The following STK3 variants were observed in gnomAD, a reference collection of about 807,000 sequenced individuals.
STK3 encodes the protein serine/threonine kinase 3, also known as serine/threonine-protein kinase 3.
Under a neutral mutation model 58.0 loss-of-function variants are expected in STK3, and 41 were observed. The ratio of observed to expected loss-of-function variants is 0.71; its 90% CI spans 0.55 to 0.92. The LOEUF (loss-of-function observed/expected upper bound fraction) is 0.92, where lower values mean the gene tolerates loss of function less well. Ranked by LOEUF, STK3 falls within the 40% of genes least tolerant of loss-of-function variation. The probability of loss-of-function intolerance (pLI) is 0.00; values close to 1 mark genes in which losing one functional copy is unlikely to be tolerated. For missense variants in STK3, 479 were observed against 602.7 expected (o/e 0.79, Z 2.15); for synonymous variants, 170 against 191.0 (o/e 0.89, Z 0.91).
intron 3 of STK3, chr8:98,413,862 T>C (rs370861997): frequency 7.8e-6 from 4 of 514,908 alleles, no homozygotes; most frequent in African/African-American, 5.9e-5. Context: ...TAATGGTGTG[T>C]CAAGAGGGAG....
At chr8:98,683,166 C>A (rs899992310) in intron 6 of STK3, among the ~76,000 whole-genome samples, 1 of 150,640 alleles carries the variant, frequency 6.6e-6, no homozygotes, top group African/African-American at 2.4e-5. Flanking sequence ...AACTAAAGTG[C>A]CAAAAAATAA....
intron 6 of STK3, among the ~76,000 whole-genome samples, chr8:98,661,722 C>T (rs1821978644): frequency 6.6e-6 from 1 of 152,126 alleles, no homozygotes; most frequent in Non-Finnish European, 1.5e-5. Context: ...AAATAATCTA[C>T]ACCCACATTC....
At chr8:98,347,751 A>T in the STK3 span, among the ~76,000 whole-genome samples, 1 of 152,232 alleles carries the variant, frequency 6.6e-6, no homozygotes, top group African/African-American at 2.4e-5. Flanking sequence ...GCCTATAGGA[A>T]ACATACATTA....
intron 10 of STK3, among the ~76,000 whole-genome samples, chr8:98,498,803 T>C (rs556135593): frequency 6.6e-6 from 1 of 152,320 alleles, no homozygotes; most frequent in South Asian, 2.1e-4. Context: ...TCCCCTTTGC[T>C]GATTCCTCGT....
At chr8:98,784,018 C>T (rs1469912593) in intron 1 of STK3, among the ~76,000 whole-genome samples, 1 of 152,164 alleles carries the variant, frequency 6.6e-6, no homozygotes, top group Admixed American at 6.5e-5. Flanking sequence ...GAAAGCCTCC[C>T]TCTGTGACTC....
intron 9 of STK3, among the ~76,000 whole-genome samples, chr8:98,532,016 A>T (rs1240934154): frequency 6.6e-6 from 1 of 152,220 alleles, no homozygotes; most frequent in East Asian, 1.9e-4. Context: ...TCCATATCAG[A>T]AAGAGAAAGG....
chr8:98,448,750 T>C lies in STK3; in HGVS notation n.186-11542A>G, dbSNP rs1039228689. On this transcript the variant is annotated intron_variant and non_coding_transcript_variant, in intron 1 of 3. Transcript: ENST00000517832. ...CTTAGTGCTCTCTCATAAAATGACA[T>C]AGACTCACTTTTCTGTTGAGGAAAC... Among the ~76,000 whole-genome samples, 11 of 152,326 alleles carry C rather than the reference T, an allele frequency of 7.2e-5. No homozygotes were observed. The East Asian group carries it at 1.7e-3, about 24-fold the overall frequency.
intron 6 of STK3, among the ~76,000 whole-genome samples, chr8:98,618,095 C>T (rs1201572564): frequency 1.3e-5 from 2 of 151,632 alleles, no homozygotes; most frequent in Non-Finnish European, 2.9e-5. Context: ...TCCAGCAGCA[C>T]ATCAAAAAGC....
At chr8:98,528,647 C>T (rs754882109) in intron 9 of STK3, among the ~76,000 whole-genome samples, 12 of 152,028 alleles carry the variant, frequency 7.9e-5, no homozygotes, top group African/African-American at 2.2e-4. Flanking sequence ...CCACCATGCC[C>T]GGCTAATTTT....
intron 6 of STK3, among the ~76,000 whole-genome samples, chr8:98,613,041 C>T (rs1051136797): frequency 6.6e-6 from 1 of 152,132 alleles, no homozygotes; most frequent in African/African-American, 2.4e-5. Context: ...TTTCACTAAC[C>T]AGTGGAAATT....
At chr8:98,347,658 A>T in the STK3 span, among the ~76,000 whole-genome samples, 6 of 152,226 alleles carry the variant, frequency 3.9e-5, no homozygotes. Context: ...TCAACAATAC[A>T]TTAAATATAA....
chr8:98,857,110 A>C (rs1836713323), intron 3 of STK3, among the ~76,000 whole-genome samples: 1 of 152,220 alleles, frequency 6.6e-6, no homozygotes, highest in South Asian at 2.1e-4. Flanking sequence ...TTTCTTCTCG[A>C]GATGATGAAC....
intron 1 of STK3, among the ~76,000 whole-genome samples, chr8:98,795,809 TACA>T (rs1360170890): frequency 1.6e-5 from 2 of 126,956 alleles, no homozygotes; most frequent in African/African-American, 6.7e-5. Context: ...TACAATACAA[TACA>T]ATACAATACA....
At chr8:98,482,584 T>C (rs1821935141) in intron 10 of STK3, among the ~76,000 whole-genome samples, 1 of 152,092 alleles carries the variant, frequency 6.6e-6, no homozygotes, top group Non-Finnish European at 1.5e-5. Context: ...AGTGATTTGA[T>C]TCAATGACCA....
At chr8:98,812,347 C>G (rs1434155340) in intron 1 of STK3, among the ~76,000 whole-genome samples, 3 of 152,198 alleles carry the variant, frequency 2.0e-5, no homozygotes. Context: ...GATACCATCT[C>G]ACACCAGTTT....
At chr8:98,828,025 A>T (rs1835377338), upstream of STK3, among the ~76,000 whole-genome samples, 1 of 149,368 alleles carries the variant, frequency 6.7e-6, no homozygotes, top group Admixed American at 6.7e-5. Context: ...CCCAGGCTTG[A>T]GTGCAATGCC....
chr8:98,729,069 C>T (rs1011606935), intron 4 of STK3, among the ~76,000 whole-genome samples: 7 of 151,996 alleles, frequency 4.6e-5, no homozygotes, highest in African/African-American at 1.7e-4. Flanking sequence ...TTTGAATAGC[C>T]ACTGCTTGAC....
In STK3 at chr8:98,800,151, C is replaced by A. The variant is rs1261456600; in HGVS notation, c.27-25332G>T. The stretch of plus-strand genomic sequence containing the variant: ...TCGCCTTTGGACCCTATATTTTTAA[C>A]CTCCTTGTTTTGTTTCCTCTAGAAT... On this transcript the variant is annotated intron_variant, in intron 1 of 10. Transcript: ENST00000419617. This position sits in a 1 kb window ranked among gnomAD's most constrained non-coding sequence, Gnocchi z 4.8. Among the ~76,000 whole-genome samples the A allele has an allele frequency of 5.3e-5, 8 of 152,318 alleles. No individual in the cohort carries two copies. Among genetic ancestry groups the A allele is most frequent in the South Asian group, 2.1e-4 (1 of 4,826 alleles).
At chr8:98,754,514 CTCTT>C (rs1296201669) in intron 3 of STK3, among the ~76,000 whole-genome samples, 2 of 151,820 alleles carry the variant, frequency 1.3e-5, no homozygotes, top group East Asian at 3.9e-4. Flanking sequence ...CTCTCTCTCT[CTCTT>C]TTTTTTTCTG....
Sources: gnomAD v4.1 joint callset for allele counts (sites outside exome capture counted in the v4.1 genomes callset) on GRCh38, gnomAD v4.1.1 for gene constraint, Gnocchi (gnomAD v3.1) non-coding constraint, MANE v1.5 for transcripts, NCBI Gene and HGNC (gene_info 2026-07-23, HGNC 2026-07-21) for gene names.